The following AP3S1 variants were observed in gnomAD, a reference collection of about 807,000 sequenced individuals.
AP3S1 encodes AP-3 complex subunit sigma-1.
AP3S1 carries 12 observed loss-of-function variants against 21.3 expected under a neutral mutation model. The ratio of observed to expected loss-of-function variants is 0.56; its 90% CI spans 0.36 to 0.91. The LOEUF is 0.91. Ranked by LOEUF, AP3S1 falls within the 40% of genes least tolerant of loss-of-function variation. The probability of loss-of-function intolerance (pLI) is 0.01; values close to 1 mark genes in which losing one functional copy is unlikely to be tolerated. For missense variants in AP3S1, 116 were observed against 225.0 expected (o/e 0.52, Z 3.10); for synonymous variants, 48 against 78.4 (o/e 0.61, Z 2.05).
chr5:115,913,630 T>G lies in AP3S1; in HGVS notation c.*140T>G. 1 of 1,342,994 alleles carries G rather than the reference T, an allele frequency of 7.4e-7. No individual in the cohort carries two copies. The highest frequency in any genetic ancestry group is 1.0e-6 in the Non-Finnish European group (1 of 998,766). 83.2% of individuals were successfully genotyped at this position (1,342,994 alleles called of 1,614,324 possible). ...AAGTCAAGGTACTGTATAGAAGTTG[T>G]GTAAAATCAGTATGAAAGTTCAATG... On this transcript the variant is annotated 3_prime_UTR_variant, in exon 6 of 6. Transcript: ENST00000316788.
At chr5:115,856,367 G>A (rs139740900) in intron 1 of AP3S1, among the ~76,000 whole-genome samples, 40 of 150,622 alleles carry the variant, frequency 2.7e-4, no homozygotes, top group African/African-American at 9.5e-4. Context: ...GGGGTACAGT[G>A]TGATGTTTTG....
chr5:115,907,187 A>T (rs1259326481), intron 5 of AP3S1, among the ~76,000 whole-genome samples: 1 of 152,228 alleles, frequency 6.6e-6, no homozygotes, highest in Admixed American at 6.5e-5. Context: ...TGTATATAAA[A>T]ACGTAAAATT....
intron 1 of AP3S1, among the ~76,000 whole-genome samples, chr5:115,853,190 T>C (rs1337799005): frequency 1.3e-5 from 2 of 152,178 alleles, no homozygotes; most frequent in Non-Finnish European, 2.9e-5. Flanking sequence ...AGTAGTATCT[T>C]ATTGTGATTT....
chr5:115,897,935 C>G (rs369490565), intron 4 of AP3S1, among the ~76,000 whole-genome samples: 2 of 152,134 alleles, frequency 1.3e-5, no homozygotes, highest in South Asian at 2.1e-4. Flanking sequence ...TGGGTCACAA[C>G]TGAGTAGATG....
At chr5:115,851,368 T>C (rs1386556266) in intron 1 of AP3S1, among the ~76,000 whole-genome samples, 1 of 152,194 alleles carries the variant, frequency 6.6e-6, no homozygotes, top group Admixed American at 6.5e-5. Flanking sequence ...GATTATATGG[T>C]AATTTTATGT....
At chr5:115,887,792 C>G (rs989358622) in intron 3 of AP3S1, among the ~76,000 whole-genome samples, 1 of 151,982 alleles carries the variant, frequency 6.6e-6, no homozygotes, top group Non-Finnish European at 1.5e-5. Context: ...AGTTTGTGCT[C>G]TTGAGTACTA....
chr5:115,842,194 C>G, intron 1 of AP3S1, 88 bp downstream of exon 1: 1 of 1,472,686 alleles, frequency 6.8e-7, no homozygotes, highest in African/African-American at 1.5e-5. Flanking sequence ...GCGACCCCCT[C>G]CGGCGCGCTG....
At chr5:115,906,921 G>A in intron 5 of AP3S1, 1 of 1,446,074 alleles carries the variant, frequency 6.9e-7, no homozygotes, top group East Asian at 2.6e-5. Flanking sequence ...GATGTCAAAG[G>A]CAATTAATTA....
intron 1 of AP3S1, among the ~76,000 whole-genome samples, chr5:115,848,220 G>A (rs1309719652): frequency 6.6e-6 from 1 of 152,058 alleles, no homozygotes; most frequent in African/African-American, 2.4e-5. Context: ...TAAATATTAA[G>A]GCCACTAAGG....
intron 3 of AP3S1, among the ~76,000 whole-genome samples, chr5:115,884,522 T>C (rs10751460): frequency 0.37 from 55,769 of 151,918 alleles, 10,772 homozygotes; most frequent in African/African-American, 0.45. Context: ...TTGCTGTGAG[T>C]TGAAATCACA....
chr5:115,866,037 C>T (rs188646015), intron 1 of AP3S1, among the ~76,000 whole-genome samples: 2 of 152,256 alleles, frequency 1.3e-5, no homozygotes, highest in East Asian at 1.9e-4. Context: ...ACCTTGTGAT[C>T]CACCCATCTC....
At chr5:115,885,866 A>G (rs1002358144) in intron 3 of AP3S1, among the ~76,000 whole-genome samples, 8 of 152,192 alleles carry the variant, frequency 5.3e-5, no homozygotes, top group East Asian at 1.9e-4. Flanking sequence ...TTCTTTTTCT[A>G]TTTCTTCACT....
intron 1 of AP3S1, among the ~76,000 whole-genome samples, chr5:115,858,930 A>AT: frequency 6.6e-6 from 1 of 150,904 alleles, no homozygotes; most frequent in South Asian, 2.1e-4. Flanking sequence ...TTTTAAAAAA[A>AT]TTTATTTATT....
intron 3 of AP3S1, among the ~76,000 whole-genome samples, chr5:115,892,064 G>T (rs182031619): frequency 6.6e-6 from 1 of 152,220 alleles, no homozygotes; most frequent in Admixed American, 6.5e-5. Context: ...ATGAAAAGGT[G>T]TTCAACATCA....
chr5:115,855,072 T>TGTCACC (rs1762710988), intron 1 of AP3S1, among the ~76,000 whole-genome samples: 1 of 152,096 alleles, frequency 6.6e-6, no homozygotes, highest in Non-Finnish European at 1.5e-5. Context: ...TCTCTGTCTC[T>TGTCACC]GTCACCCAGG....
intron 1 of AP3S1, among the ~76,000 whole-genome samples, chr5:115,849,767 T>C (rs1232718345): frequency 1.3e-5 from 2 of 152,036 alleles, no homozygotes; most frequent in Admixed American, 6.6e-5. Flanking sequence ...AAGGTAAAAG[T>C]CAGTGCATCA....
chr5:115,895,386 A>G (rs1750671210), intron 4 of AP3S1, among the ~76,000 whole-genome samples: 1 of 152,146 alleles, frequency 6.6e-6, no homozygotes, highest in Admixed American at 6.5e-5. Context: ...AAATAATAAT[A>G]ATAGTATGTG....
chr5:115,850,105 A>C (rs1167027129), intron 1 of AP3S1, among the ~76,000 whole-genome samples: 3 of 152,190 alleles, frequency 2.0e-5, no homozygotes, highest in Non-Finnish European at 4.4e-5. Flanking sequence ...TATTGTACTG[A>C]AAAGCATTTA....
chr5:115,861,546 A>G (rs930390816), intron 1 of AP3S1, among the ~76,000 whole-genome samples: 6 of 152,050 alleles, frequency 3.9e-5, no homozygotes, highest in African/African-American at 1.4e-4. Context: ...TGGATTTTAA[A>G]AAGTTATTAT....
Sources: gnomAD v4.1 joint callset for allele counts (sites outside exome capture counted in the v4.1 genomes callset) on GRCh38, gnomAD v4.1.1 for gene constraint, MANE v1.5 for transcripts, NCBI Gene and HGNC (gene_info 2026-07-23, HGNC 2026-07-21) for gene names.